The following PSD3 variants were observed in gnomAD, a reference collection of about 807,000 sequenced individuals.
PSD3 encodes pleckstrin and Sec7 domain containing 3.
Under a neutral mutation model 105.5 loss-of-function variants are expected in PSD3, and 49 were observed. The observed-to-expected ratio is 0.46, with a 90% CI of 0.37 to 0.59. The LOEUF (loss-of-function observed/expected upper bound fraction) is 0.59, where lower values mean the gene tolerates loss of function less well. PSD3 is among the 20% of genes least tolerant of loss of function. PSD3 has a pLI of 0.00. For synonymous variants in PSD3, 557 were observed against 457.8 expected (o/e 1.22, Z -2.77); for missense variants, 1,561 against 1,263.8 (o/e 1.24, Z -3.57).
At chr8:19,062,903 G>C (rs1372974972) in intron 1 of PSD3, among the ~76,000 whole-genome samples, 5 of 151,942 alleles carry the variant, frequency 3.3e-5, no homozygotes, top group African/African-American at 1.2e-4. Flanking sequence ...AAATGCAAAA[G>C]AAAAGAAAAC....
intron 10 of PSD3, among the ~76,000 whole-genome samples, chr8:18,644,266 T>C (rs1032698687): frequency 2.0e-5 from 3 of 152,354 alleles, no homozygotes; most frequent in Admixed American, 6.5e-5. Context: ...TTCTTCTGCT[T>C]CTCCTTTAAT....
chr8:18,697,263 T>C (rs1801313472), intron 9 of PSD3, among the ~76,000 whole-genome samples: 2 of 152,086 alleles, frequency 1.3e-5, no homozygotes, highest in South Asian at 4.1e-4. Context: ...GCGACAATAC[T>C]GGGTATCACA....
chr8:18,960,264 G>C (rs1823832076), intron 1 of PSD3, among the ~76,000 whole-genome samples: 1 of 152,098 alleles, frequency 6.6e-6, no homozygotes, highest in South Asian at 2.1e-4. Context: ...TGCAGAGTGT[G>C]GTCTTTAATA....
At chr8:18,606,498 T>C (rs1372505208) in intron 11 of PSD3, among the ~76,000 whole-genome samples, 2 of 152,226 alleles carry the variant, frequency 1.3e-5, no homozygotes, top group Non-Finnish European at 2.9e-5. Context: ...TGTTTTATTA[T>C]GGGAGAGTTT....
chr8:18,995,952 C>G (rs935092212), intron 1 of PSD3, among the ~76,000 whole-genome samples: 1 of 151,846 alleles, frequency 6.6e-6, no homozygotes, highest in Non-Finnish European at 1.5e-5. Context: ...AGCCAGCATC[C>G]GTAGCATCAC....
At chr8:18,812,026 T>G (rs988136668) in intron 4 of PSD3, among the ~76,000 whole-genome samples, 30 of 152,226 alleles carry the variant, frequency 2.0e-4, no homozygotes, top group African/African-American at 7.2e-4. Context: ...TACTAATAGA[T>G]GTGTGTGCCT....
intron 2 of PSD3, among the ~76,000 whole-genome samples, chr8:18,898,035 C>T (rs981650016): frequency 6.6e-6 from 1 of 152,088 alleles, no homozygotes; most frequent in African/African-American, 2.4e-5. Context: ...GCAGCTTTCC[C>T]CAGTTCAGTA....
At chr8:18,852,896 T>C (rs948637919) in intron 4 of PSD3, among the ~76,000 whole-genome samples, 5 of 152,178 alleles carry the variant, frequency 3.3e-5, no homozygotes, top group African/African-American at 1.2e-4. Flanking sequence ...TCCCATGCAC[T>C]ACACACTAGT....
chr8:18,925,652 T>A lies in PSD3; in HGVS notation c.130+10382A>T, dbSNP rs115419151. On this transcript the variant is annotated intron_variant, in intron 2 of 15. Coordinates refer to ENST00000327040, the MANE Select transcript of PSD3 (RefSeq NM_015310.4). ...TAGACAACATGATGAAAATGTGTGATGGGTTTATTCAAGGACTACAGCAGG... is the reference window on the plus strand; with the variant it reads ...TAGACAACATGATGAAAATGTGTGAAGGGTTTATTCAAGGACTACAGCAGG... Among the ~76,000 whole-genome samples, 429 of 152,176 alleles carry A rather than the reference T, an allele frequency of 2.8e-3. 2 individuals carry two copies. Among genetic ancestry groups the A allele is most frequent in the African/African-American group, 9.7e-3 (402 of 41,506 alleles).
At chr8:18,615,391 C>T (rs917864330) in intron 11 of PSD3, among the ~76,000 whole-genome samples, 1 of 152,202 alleles carries the variant, frequency 6.6e-6, no homozygotes, top group Non-Finnish European at 1.5e-5. Flanking sequence ...CAGCAAGGGC[C>T]ACGGGCATCA....
In PSD3 at chr8:19,013,653, G is replaced by T; in HGVS notation, c.-70C>A. ...CTCCGGGGCCGCAGCCTCAGGGCGC[G>T]AGTGCCGGCGGCCAGCGCCGCGTGC... On this transcript the variant is annotated 5_prime_UTR_variant, in exon 1 of 16. Coordinates refer to ENST00000327040, the MANE Select transcript of PSD3 (RefSeq NM_015310.4). 2.4e-6 allele frequency: 3 copies of T among 1,227,568 alleles called. No homozygotes were observed. The highest frequency in any genetic ancestry group is 1.6e-5 in the African/African-American group (1 of 62,818). 76.0% of individuals were successfully genotyped at this position (1,227,568 alleles called of 1,614,324 possible). A position where few individuals can be genotyped will look rare whatever the true frequency, so the allele number is the denominator to read the frequency against.
At chr8:18,764,362 C>G (rs750096113) in intron 9 of PSD3, among the ~76,000 whole-genome samples, 1 of 152,176 alleles carries the variant, frequency 6.6e-6, no homozygotes, top group African/African-American at 2.4e-5. Context: ...GGATTTATAC[C>G]TTTAGAAATG....
intron 12 of PSD3, among the ~76,000 whole-genome samples, chr8:18,590,596 T>A (rs1408272690): frequency 6.6e-6 from 1 of 152,162 alleles, no homozygotes; most frequent in East Asian, 1.9e-4. Context: ...AAACAGTTCC[T>A]ACCATGTGCC....
At chr8:18,766,843 C>G (rs759167568) in intron 8 of PSD3, among the ~76,000 whole-genome samples, 5 of 152,216 alleles carry the variant, frequency 3.3e-5, no homozygotes, top group African/African-American at 1.2e-4. Context: ...GCCACCTGCA[C>G]ATGCAGTGTG....
In PSD3 at chr8:18,871,988, G is replaced by T. The variant is rs760195837; in HGVS notation, c.876C>A (p.Arg292=). The T allele has an allele frequency of 6.2e-7, 1 of 1,614,088 alleles. No homozygotes were observed. Among genetic ancestry groups the T allele is most frequent in the African/African-American group, 1.3e-5 (1 of 75,012 alleles). ...ATTCCACATGTTTGACCCGGCCTGG[G>T]CGTCCCATGGAGCTGCTTCGATCAC... The part of the protein sequence containing the change: ...GGCDRSSSMG[R]PGRVKHVEFQ... The change falls in exon 3 of 16, where the codon CGC becomes CGA. Residue 292 remains arginine, a synonymous_variant. Coordinates refer to ENST00000327040, the MANE Select transcript of PSD3 (RefSeq NM_015310.4).
At chr8:18,682,556 CAG>C (rs1363992322) in intron 9 of PSD3, among the ~76,000 whole-genome samples, 3 of 152,070 alleles carry the variant, frequency 2.0e-5, no homozygotes, top group Non-Finnish European at 1.5e-5. Context: ...TTTAAAAAAA[CAG>C]TGAGGAGTAA....
At chr8:18,796,669 G>A (rs1320881123) in intron 8 of PSD3, among the ~76,000 whole-genome samples, 2 of 152,140 alleles carry the variant, frequency 1.3e-5, no homozygotes, top group African/African-American at 4.8e-5. Context: ...CCCAAGAGGG[G>A]AGTCAGACCT....
intron 1 of PSD3, among the ~76,000 whole-genome samples, chr8:18,990,853 T>A (rs977396557): frequency 6.6e-6 from 1 of 152,136 alleles, no homozygotes; most frequent in Non-Finnish European, 1.5e-5. Context: ...AGTGTTACAC[T>A]AACAGTCATG....
intron 2 of PSD3, among the ~76,000 whole-genome samples, chr8:18,917,788 C>T (rs181114216): frequency 6.6e-6 from 1 of 152,242 alleles, no homozygotes; most frequent in East Asian, 1.9e-4. Context: ...GGATGGCAGA[C>T]CAACTAGCCC....
Sources: gnomAD v4.1 joint callset for allele counts (sites outside exome capture counted in the v4.1 genomes callset) on GRCh38, gnomAD v4.1.1 for gene constraint, MANE v1.5 for transcripts, NCBI Gene and HGNC (gene_info 2026-07-23, HGNC 2026-07-21) for gene names.